The following SAFB variants were observed in gnomAD, a reference collection of about 807,000 sequenced individuals.
SAFB encodes scaffold attachment factor B, also known as scaffold attachment factor B1.
Under a neutral mutation model 101.6 loss-of-function variants are expected in SAFB, and 15 were observed. The ratio of observed to expected loss-of-function variants is 0.15; its 90% CI spans 0.10 to 0.23. The LOEUF is 0.23. SAFB is among the 10% of genes least tolerant of loss of function. The probability of loss-of-function intolerance (pLI) is 1.00; values close to 1 mark genes in which losing one functional copy is unlikely to be tolerated. For missense variants in SAFB, 930 were observed against 1,104.1 expected (o/e 0.84, Z 2.23); for synonymous variants, 449 against 407.5 (o/e 1.10, Z -1.23).
At chr19:5,650,268 C>T (rs1339656270) in intron 8 of SAFB, among the ~76,000 whole-genome samples, 2 of 152,138 alleles carry the variant, frequency 1.3e-5, no homozygotes, top group South Asian at 2.1e-4. Context: ...CTACCAAATT[C>T]CTTCTTAATC....
At chr19:5,648,570 G>A (rs1203699515) in intron 6 of SAFB, among the ~76,000 whole-genome samples, 1 of 152,210 alleles carries the variant, frequency 6.6e-6, no homozygotes, top group African/African-American at 2.4e-5. Flanking sequence ...GGATGGAAGA[G>A]ATTCTGGTTT....
At chr19:5,665,715 T>A (rs1296467893) in intron 17 of SAFB, 3 of 152,136 alleles carry the variant, frequency 2.0e-5, no homozygotes, top group East Asian at 1.9e-4. Flanking sequence ...ACATACACAG[T>A]CATAAATGAG....
intron 7 of SAFB, 199 bp downstream of exon 7, chr19:5,649,698 TTG>T (rs917529760): frequency 1.3e-6 from 1 of 762,486 alleles, no homozygotes; most frequent in African/African-American, 1.8e-5. Flanking sequence ...CCTACCATGG[TTG>T]TGTTCTTAAA....
chr19:5,640,850 T>A (rs1260947145), intron 2 of SAFB, among the ~76,000 whole-genome samples: 1 of 152,058 alleles, frequency 6.6e-6, no homozygotes, highest in Non-Finnish European at 1.5e-5. Context: ...CTCGGCCTCC[T>A]AATGTGCTGG....
intron 14 of SAFB, 135 bp downstream of exon 14, chr19:5,657,482 T>C (rs2054089853): frequency 1.7e-6 from 1 of 604,908 alleles, no homozygotes; most frequent in Non-Finnish European, 3.0e-6. Context: ...TTTCAGTTCA[T>C]AGACTTGTTA....
intron 2 of SAFB, among the ~76,000 whole-genome samples, chr19:5,635,288 G>T (rs1441236485): frequency 6.6e-6 from 1 of 152,090 alleles, no homozygotes; most frequent in Non-Finnish European, 1.5e-5. Context: ...CAAAGATGGA[G>T]GTGGATCAAT....
chr19:5,646,420 G>A (rs1355633648), intron 5 of SAFB, among the ~76,000 whole-genome samples: 1 of 152,180 alleles, frequency 6.6e-6, no homozygotes, highest in Admixed American at 6.5e-5. Context: ...AGAAAGGAGA[G>A]GAGGAGCCGG....
chr19:5,636,093 G>C lies in SAFB; in HGVS notation c.275-5501G>C, dbSNP rs115569167. 3.3e-3 allele frequency among the ~76,000 whole-genome samples: 509 copies of C among 152,078 alleles called. 5 individuals are homozygous for C. The highest frequency in any genetic ancestry group is 0.012 in the African/African-American group (498 of 41,500). The stretch of plus-strand genomic sequence containing the variant: ...TTTCCAGTCACATTTTACCTCGGGG[G>C]AGCTTTCCCCTGAGAAGGATTTGGC... On this transcript the variant is annotated intron_variant, in intron 2 of 20. Coordinates refer to ENST00000588852, the MANE Select transcript of SAFB (RefSeq NM_001201338.2).
chr19:5,659,372 T>C (rs2054142122), intron 14 of SAFB, among the ~76,000 whole-genome samples: 1 of 151,680 alleles, frequency 6.6e-6, no homozygotes, highest in Non-Finnish European at 1.5e-5. Context: ...TATAAAGTTA[T>C]CACCCTTTTA....
At chr19:5,664,182 G>C (rs752205093) in intron 16 of SAFB, 23 bp downstream of exon 16, 2 of 1,609,450 alleles carry the variant, frequency 1.2e-6, no homozygotes, top group Admixed American at 1.7e-5. Flanking sequence ...CCTGCTGGGC[G>C]TGCGGGTTTT....
chr19:5,664,705 A>G, intron 17 of SAFB: 2 of 421,050 alleles, frequency 4.8e-6, no homozygotes, highest in Non-Finnish European at 8.8e-6. Flanking sequence ...CACATGTGCA[A>G]CAGTGCCAGG....
At chr19:5,664,486 G>C (rs775024353) in intron 17 of SAFB, 47 bp downstream of exon 17, 8 of 1,476,990 alleles carry the variant, frequency 5.4e-6, no homozygotes, top group Non-Finnish European at 7.6e-6. Context: ...CCATAGAATG[G>C]GTTCTTTTCC....
In SAFB at chr19:5,646,669, A is replaced by G. The variant is rs376961408; in HGVS notation, c.609+1270A>G. 3.3e-5 allele frequency among the ~76,000 whole-genome samples: 5 copies of G among 152,382 alleles called. No homozygotes were observed. In the South Asian group the frequency reaches 1.0e-3, roughly 32 times the overall value. On this transcript the variant is annotated intron_variant, in intron 5 of 20. Coordinates refer to ENST00000588852, the MANE Select transcript of SAFB (RefSeq NM_001201338.2). Reference sequence around the variant, plus strand: ...AAGTGAAAGCATGAGGAAAGTGTACAGTTTCATAGAGCATCCTGGAATGGC... The same window carrying G: ...AAGTGAAAGCATGAGGAAAGTGTACGGTTTCATAGAGCATCCTGGAATGGC...
chr19:5,657,405 T>G, intron 14 of SAFB, 58 bp downstream of exon 14: 2 of 1,199,570 alleles, frequency 1.7e-6, no homozygotes, highest in Non-Finnish European at 2.5e-6. Flanking sequence ...CATGACTGTC[T>G]TCTGGAAGGA....
rs141249317 is a variant in SAFB, at chr19:5,644,314, T to C, written c.547-1023T>C. Among the ~76,000 whole-genome samples the C allele has an allele frequency of 4.0e-3, 604 of 152,318 alleles. 10 individuals carry two copies. The East Asian group carries it at 0.045, about 11-fold the overall frequency. On this transcript the variant is annotated intron_variant, in intron 4 of 20. Transcript: ENST00000588852. ...TAGAAAGCACCGTAGAGTTATGAAA[T>C]GTACCACCACGAATACAGTTTTTAC...
chr19:5,626,055 A>G (rs2053351835), intron 1 of SAFB, among the ~76,000 whole-genome samples: 1 of 152,194 alleles, frequency 6.6e-6, no homozygotes, highest in South Asian at 2.1e-4. Context: ...GATGAACCAG[A>G]TAAGCCTACT....
rs1018957977 is a variant in SAFB, at chr19:5,664,164, G to T, written c.2291+5G>T. 6.2e-7 allele frequency: 1 copy of T among 1,613,304 alleles called. No homozygotes were observed. The highest frequency in any genetic ancestry group is 1.7e-5 in the Admixed American group (1 of 59,854). ...CCCCGACCACTCGGTGGACAGGTCA[G>T]TTGGGCCCCTGCTGGGCGTGCGGGT... On this transcript the variant is annotated splice_donor_5th_base_variant and intron_variant, in intron 16 of 20. Coordinates refer to ENST00000588852, the MANE Select transcript of SAFB (RefSeq NM_001201338.2).
chr19:5,625,072 C>T (rs2053326912), intron 1 of SAFB, among the ~76,000 whole-genome samples: 1 of 152,118 alleles, frequency 6.6e-6, no homozygotes, highest in African/African-American at 2.4e-5. Flanking sequence ...GTTCCTTCTT[C>T]CTTCTCCTTT....
intron 4 of SAFB, 78 bp from the exon 5 acceptor site, chr19:5,645,259 C>G: frequency 1.5e-6 from 1 of 678,016 alleles, no homozygotes; most frequent in Non-Finnish European, 2.7e-6. Context: ...TAGCTGTTCA[C>G]TTTTCATTGT....
Sources: gnomAD v4.1 joint callset for allele counts (sites outside exome capture counted in the v4.1 genomes callset) on GRCh38, gnomAD v4.1.1 for gene constraint, MANE v1.5 for transcripts, NCBI Gene and HGNC (gene_info 2026-07-23, HGNC 2026-07-21) for gene names.